WDR1: variants seen among roughly 807,000 people sequenced by gnomAD.
WDR1 encodes the protein WD repeat domain 1, also known as WD repeat-containing protein 1.
In WDR1, 21 loss-of-function variants were observed where a neutral mutation model predicts 71.9. That is an observed-to-expected ratio of 0.29 (90% CI 0.21 to 0.42). WDR1 has a LOEUF of 0.42. Ranked by LOEUF, WDR1 falls within the 10% of genes least tolerant of loss-of-function variation. The pLI is 1.00. For synonymous variants in WDR1, 424 were observed against 347.4 expected, an observed-to-expected ratio of 1.22 and a Z score of -2.45; for missense variants, 696 against 824.5, an observed-to-expected ratio of 0.84 and a Z score of 1.91.
At position 10,116,667 on chromosome 4, in the gene WDR1, C is replaced by A; in HGVS notation, c.-1G>T. The stretch of plus-strand genomic sequence containing the variant: ...GGCACTTACTGATCTCGTACGGCAT[C>A]CTCGCCCACTTGTTACCGCGCCGCG... On this transcript the variant is annotated 5_prime_UTR_variant, in exon 1 of 15. Transcript: ENST00000499869. The A allele has an allele frequency of 7.4e-7, 1 of 1,349,406 alleles. No individual in the cohort carries two copies. 83.6% of individuals were successfully genotyped at this position (1,349,406 alleles called of 1,614,324 possible).
At chr4:10,103,295 C>CACACACACACACACACACACAG (rs1712816965) in intron 3 of WDR1, among the ~76,000 whole-genome samples, 2 of 89,582 alleles carry the variant, frequency 2.2e-5, no homozygotes, top group African/African-American at 1.2e-4. Flanking sequence ...CACAGACACA[C>CACACACACACACACACACACAG]ACACACACAC....
At chr4:10,109,250 C>T (rs2108802951) in intron 2 of WDR1, among the ~76,000 whole-genome samples, 1 of 152,368 alleles carries the variant, frequency 6.6e-6, no homozygotes, top group African/African-American at 2.4e-5. Context: ...GAACTCAGGG[C>T]CAGTTGCTGA....
At chr4:10,103,866 G>A (rs769521664) in intron 3 of WDR1, 30 bp downstream of exon 3, 2 of 1,399,248 alleles carry the variant, frequency 1.4e-6, no homozygotes, top group South Asian at 2.4e-5. Flanking sequence ...GCCCCCACAG[G>A]TGTCCACGAG....
chr4:10,088,187 C>T, intron 7 of WDR1, 106 bp downstream of exon 7: 1 of 1,132,860 alleles, frequency 8.8e-7, no homozygotes, highest in Non-Finnish European at 1.3e-6. Flanking sequence ...CGACTTATAG[C>T]CCCTCATTTC....
intron 3 of WDR1, among the ~76,000 whole-genome samples, chr4:10,101,295 G>A (rs763741964): frequency 6.6e-6 from 1 of 152,260 alleles, no homozygotes; most frequent in African/African-American, 2.4e-5. Context: ...TCATGAACCA[G>A]TCAGACTGAC....
intron 5 of WDR1, chr4:10,093,003 C>G: frequency 1.6e-6 from 2 of 1,247,852 alleles, no homozygotes; most frequent in Non-Finnish European, 2.1e-6. Flanking sequence ...CCCCCCTCCC[C>G]ACAGTCCTCA....
chr4:10,077,514 T>A (rs1764843162), intron 13 of WDR1, 66 bp from the exon 14 acceptor site: 4 of 1,605,752 alleles, frequency 2.5e-6, no homozygotes, highest in Non-Finnish European at 3.4e-6. Flanking sequence ...CCATATCACC[T>A]CGCTTATCCC....
At chr4:10,082,837 C>T (rs973377237) in intron 10 of WDR1, among the ~76,000 whole-genome samples, 185 bp downstream of exon 10, 2 of 152,188 alleles carry the variant, frequency 1.3e-5, no homozygotes, top group East Asian at 3.9e-4. Context: ...TTACCCAGAC[C>T]ACCTGGATCT....
chr4:10,109,995 G>A lies in WDR1; in HGVS notation c.139-6009C>T, dbSNP rs1343828938. On this transcript the variant is annotated intron_variant, in intron 2 of 14. Transcript: ENST00000499869. ...TCCCACTCTCGCAGGCATGGAAACA[G>A]AAGAGGCAAGCACACCAAGTTTCAG... Among the ~76,000 whole-genome samples the A allele has an allele frequency of 2.0e-5, 3 of 152,136 alleles. No individual in the cohort carries two copies. In the South Asian group the frequency reaches 6.2e-4, roughly 32 times the overall value.
Position 10,104,668 on chromosome 4 carries a change from C to T in WDR1, c.139-682G>A, listed in dbSNP as rs115861646. Among the ~76,000 whole-genome samples the T allele has an allele frequency of 5.2e-4, 79 of 152,298 alleles. 1 individual carries two copies. Among genetic ancestry groups the T allele is most frequent in the African/African-American group, 1.6e-3 (66 of 41,568 alleles). On this transcript the variant is annotated intron_variant, in intron 2 of 14. Coordinates refer to ENST00000499869, the MANE Select transcript of WDR1 (RefSeq NM_017491.5). ...AAAGTAGATCCCTGCGCCTCCCTCC[C>T]GGCATACACACACACGCAGGGCCTC...
At chr4:10,098,543 C>T (rs1191896290) in intron 4 of WDR1, among the ~76,000 whole-genome samples, 1 of 152,212 alleles carries the variant, frequency 6.6e-6, no homozygotes, top group African/African-American at 2.4e-5. Context: ...CCACCCAGTG[C>T]CACCCAGCCA....
At chr4:10,115,810 C>G (rs910167934) in intron 2 of WDR1, 3 of 294,782 alleles carry the variant, frequency 1.0e-5, no homozygotes, top group Non-Finnish European at 1.9e-5. Flanking sequence ...CATCCACGTA[C>G]TAACCAGGCC....
intron 3 of WDR1, among the ~76,000 whole-genome samples, chr4:10,100,144 C>A (rs925218946): frequency 6.6e-6 from 1 of 152,206 alleles, no homozygotes; most frequent in African/African-American, 2.4e-5. Flanking sequence ...CGTTAACAAC[C>A]ACCACAGCTC....
chr4:10,078,826 C>G (rs1308131967), intron 12 of WDR1, 65 bp downstream of exon 12: 2 of 1,412,624 alleles, frequency 1.4e-6, no homozygotes, highest in Admixed American at 1.8e-5. Context: ...TCACACAGCT[C>G]ACACTGTCCC....
chr4:10,100,134 C>T (rs952196026), intron 3 of WDR1, among the ~76,000 whole-genome samples: 5 of 152,212 alleles, frequency 3.3e-5, no homozygotes, highest in African/African-American at 4.8e-5. Context: ...TGTCAGGACA[C>T]GTTAACAACC....
At chr4:10,075,632 C>T (rs1005538240) in intron 14 of WDR1, 148 bp from the exon 15 acceptor site, 28 of 720,872 alleles carry the variant, frequency 3.9e-5, no homozygotes, top group African/African-American at 1.1e-4. Context: ...GAGCCTGGCA[C>T]GGTGGCAGTG....
rs370620143 is a variant in WDR1 at position 10,077,744 on chromosome 4, G to A, written c.1569+9C>T. ...CACGGGGACAGAGGAGGAGCCCGCC[G>A]CCACTCACCGAGTAGCCGTCAGCAA... On this transcript the variant is annotated intron_variant, in intron 13 of 14. Transcript: ENST00000499869. 7.5e-5 allele frequency: 117 copies of A among 1,568,646 alleles called. No homozygotes were observed. In the Middle Eastern group the frequency reaches 1.2e-3, roughly 16 times the overall value.
intron 3 of WDR1, among the ~76,000 whole-genome samples, chr4:10,099,894 G>A (rs761911323): frequency 5.9e-5 from 9 of 152,194 alleles, no homozygotes; most frequent in Non-Finnish European, 1.0e-4. Flanking sequence ...TCTTCTCACC[G>A]GAGCGTGGGC....
chr4:10,102,570 C>T (rs935316471), intron 3 of WDR1, among the ~76,000 whole-genome samples: 2 of 152,202 alleles, frequency 1.3e-5, no homozygotes, highest in African/African-American at 2.4e-5. Context: ...GTGCAACGGC[C>T]CCTGCTGTCC....
Sources: gnomAD v4.1 joint callset for allele counts (sites outside exome capture counted in the v4.1 genomes callset) on GRCh38, gnomAD v4.1.1 for gene constraint, MANE v1.5 for transcripts, NCBI Gene and HGNC (gene_info 2026-07-23, HGNC 2026-07-21) for gene names.